Variants in BEST3 observed in about 807,000 individuals in gnomAD.
BEST3 encodes the protein bestrophin-3.
Under a neutral mutation model 47.1 loss-of-function variants are expected in BEST3, and 50 were observed. That is an observed-to-expected ratio of 1.06 (90% CI 0.85 to 1.34). BEST3 has a LOEUF of 1.34. Ranked by LOEUF, BEST3 falls within the 40% of genes most tolerant of loss-of-function variation. The pLI, the probability that BEST3 is intolerant of heterozygous loss-of-function variation, is 0.00. For synonymous variants in BEST3, 282 were observed against 298.8 expected (o/e 0.94, Z 0.58); for missense variants, 765 against 817.0 (o/e 0.94, Z 0.78).
chr12:69,674,460 TC>T (rs1348278895), intron 7 of BEST3, among the ~76,000 whole-genome samples: 3 of 152,150 alleles, frequency 2.0e-5, no homozygotes, highest in Non-Finnish European at 4.4e-5. Flanking sequence ...TAAGTGCCTT[TC>T]CTTGGGCAGG....
chr12:69,686,513 G>A (rs550839907), intron 4 of BEST3, among the ~76,000 whole-genome samples: 13 of 152,018 alleles, frequency 8.6e-5, no homozygotes, highest in Non-Finnish European at 1.6e-4. Flanking sequence ...GGTGGCTCAC[G>A]CCTGTAATCC....
At chr12:69,649,155 G>A (rs373812190), downstream of BEST3, among the ~76,000 whole-genome samples, 21 of 152,262 alleles carry the variant, frequency 1.4e-4, no homozygotes, top group East Asian at 3.3e-3. Flanking sequence ...CACCACGCCC[G>A]GCTAATTTTT....
Position 69,697,634 on chromosome 12 carries a change from T to C in BEST3, c.152+13A>G, listed in dbSNP as rs2136054690. 1 of 1,543,542 alleles carries C rather than the reference T, an allele frequency of 6.5e-7. No homozygotes were observed. The highest frequency in any genetic ancestry group is 1.2e-5 in the South Asian group (1 of 81,174). On this transcript the variant is annotated intron_variant, in intron 2 of 9. Transcript: ENST00000330891. ...TCTGATGGCCATTTAAGGAGACATG[T>C]AAAGAAAAGTACCTGTATACCAAAC... is the stretch of plus-strand genomic sequence containing the variant.
chr12:69,644,893 T>C (rs906766088), intron 9 of BEST3, among the ~76,000 whole-genome samples: 10 of 152,226 alleles, frequency 6.6e-5, no homozygotes, highest in African/African-American at 2.4e-4. Flanking sequence ...CATTGCTGAT[T>C]GTAATACATG....
rs541927934 is a variant in BEST3, at chr12:69,643,562, T to C, written c.*129A>G. 44 of 522,460 alleles carry C rather than the reference T, an allele frequency of 8.4e-5. 1 individual carries two copies. In the South Asian group the frequency reaches 1.3e-3, roughly 15 times the overall value. The allele number at this position is 522,460 out of a possible 1,614,324, so 32.4% of individuals were successfully genotyped here. ...GGTACCATGTTGGGCATTAATAAAG[T>C]GCATTTCTTAGGAACTCCACATGCC... On this transcript the variant is annotated 3_prime_UTR_variant, in exon 10 of 10. Coordinates refer to the BEST3 transcript ENST00000331471.
rs1886015421 is a variant in BEST3, at chr12:69,693,658, A to T, written c.481+16T>A. On this transcript the variant is annotated intron_variant, in intron 4 of 9. Coordinates refer to ENST00000330891, the MANE Select transcript of BEST3 (RefSeq NM_032735.3). ...AGCTGAGAAGAGCCCATGGAAGGAA[A>T]AGCCATTCATAGTACCTGCTTCAAC... 6.4e-7 allele frequency: 1 copy of T among 1,572,930 alleles called. No homozygotes were observed. Among genetic ancestry groups the T allele is most frequent in the Non-Finnish European group, 8.7e-7 (1 of 1,144,124 alleles).
chr12:69,650,815 A>C (rs138057532), downstream of BEST3, among the ~76,000 whole-genome samples: 692 of 152,318 alleles, frequency 4.5e-3, 5 homozygotes, highest in African/African-American at 0.015. Flanking sequence ...TATGGTGGAC[A>C]GTGAAGAACT....
chr12:69,693,535 G>T, intron 4 of BEST3, 139 bp downstream of exon 4: 2 of 726,760 alleles, frequency 2.8e-6, no homozygotes, highest in Non-Finnish European at 2.2e-6. Context: ...AAAGTGCTGG[G>T]ATTACAGGCA....
At chr12:69,649,151 G>A (rs971329111), downstream of BEST3, among the ~76,000 whole-genome samples, 5 of 152,132 alleles carry the variant, frequency 3.3e-5, no homozygotes, top group Admixed American at 6.5e-5. Flanking sequence ...GCGCCACCAC[G>A]CCCGGCTAAT....
At chr12:69,643,866 A>G (rs1882951024) in intron 9 of BEST3, 1 of 581,388 alleles carries the variant, frequency 1.7e-6, no homozygotes, top group Admixed American at 2.8e-5. Context: ...CGCCAAACTC[A>G]CAGAGTTGAA....
intron 4 of BEST3, among the ~76,000 whole-genome samples, chr12:69,687,663 C>CAA (rs3050215): frequency 0.29 from 37,104 of 126,334 alleles, 6,006 homozygotes; most frequent in East Asian, 0.49. Flanking sequence ...GAACGTGTCT[C>CAA]AAAAAAAAAA....
At chr12:69,657,179 T>C (rs541462062) in intron 9 of BEST3, among the ~76,000 whole-genome samples, 2 of 151,698 alleles carry the variant, frequency 1.3e-5, no homozygotes, top group African/African-American at 4.8e-5. Context: ...CACTGCAACC[T>C]CTGTCTCCCA....
intron 9 of BEST3, among the ~76,000 whole-genome samples, chr12:69,664,272 A>G (rs1884047903): frequency 6.6e-6 from 1 of 152,210 alleles, no homozygotes; most frequent in South Asian, 2.1e-4. Context: ...ACAGAGAAAG[A>G]TGAGCTCTGT....
chr12:69,665,255 C>T (rs543594168), intron 9 of BEST3, among the ~76,000 whole-genome samples: 16 of 151,648 alleles, frequency 1.1e-4, no homozygotes, highest in African/African-American at 3.6e-4. Context: ...GACAGCTCTA[C>T]AGCGAACACC....
chr12:69,683,931 AT>A (rs1885403440), intron 4 of BEST3: 1 of 152,228 alleles, frequency 6.6e-6, no homozygotes, highest in Admixed American at 6.5e-5. Flanking sequence ...TTGTTATGAA[AT>A]GGAATGTCAC....
chr12:69,677,116 A>T, intron 6 of BEST3, 48 bp from the exon 7 acceptor site: 1 of 1,613,972 alleles, frequency 6.2e-7, no homozygotes, highest in Non-Finnish European at 8.5e-7. Flanking sequence ...GGCCTCCCGC[A>T]GCGAAGCTAC....
intron 7 of BEST3, among the ~76,000 whole-genome samples, chr12:69,676,284 G>A (rs1364519590): frequency 6.6e-6 from 1 of 152,134 alleles, no homozygotes; most frequent in South Asian, 2.1e-4. Context: ...CAGGCGCGGT[G>A]GCTCACGCCT....
chr12:69,681,397 A>T (rs1885246754), intron 4 of BEST3, among the ~76,000 whole-genome samples: 3 of 152,106 alleles, frequency 2.0e-5, no homozygotes, highest in African/African-American at 7.2e-5. Context: ...CAGGAGGATT[A>T]CTTAGGCCAG....
intron 4 of BEST3, chr12:69,684,373 G>A (rs1407528718): frequency 4.6e-6 from 2 of 430,650 alleles, no homozygotes; most frequent in African/African-American, 2.0e-5. Flanking sequence ...GCTACTTTAA[G>A]ACAAAATTTT....
Sources: allele counts gnomAD v4.1 joint callset (sites outside exome capture counted in the v4.1 genomes callset), GRCh38; gene constraint gnomAD v4.1.1; transcripts MANE v1.5; gene names NCBI Gene and HGNC (gene_info 2026-07-23, HGNC 2026-07-21).